ERN1: variants seen among roughly 807,000 people sequenced by gnomAD.
ERN1 encodes the protein serine/threonine-protein kinase/endoribonuclease IRE1.
ERN1 carries 39 observed loss-of-function variants against 113.1 expected under a neutral mutation model. The ratio of observed to expected loss-of-function variants is 0.34; its 90% CI spans 0.27 to 0.45. ERN1 has a LOEUF of 0.45. ERN1 is among the 20% of genes least tolerant of loss of function. The pLI is 1.00. For missense variants in ERN1, 976 were observed against 1,274.8 expected (o/e 0.77, Z 3.57); for synonymous variants, 507 against 515.9 (o/e 0.98, Z 0.23).
intron 8 of ERN1, 82 bp downstream of exon 8, chr17:64,066,589 C>T (rs1197981616): frequency 4.6e-6 from 7 of 1,527,030 alleles, no homozygotes; most frequent in Non-Finnish European, 5.3e-6. Context: ...CTTTGGCCTC[C>T]CGTGCAGGGC....
In ERN1 at chr17:64,054,193, G is replaced by C. The variant is rs1186366462; in HGVS notation, c.1953+57C>G. The C allele has an allele frequency of 6.8e-7, 1 of 1,462,532 alleles. No individual in the cohort carries two copies. Among genetic ancestry groups the C allele is most frequent in the Non-Finnish European group, 9.3e-7 (1 of 1,080,812 alleles). 90.6% of individuals were successfully genotyped at this position (1,462,532 alleles called of 1,614,324 possible). On this transcript the variant is annotated intron_variant, in intron 15 of 21. Transcript: ENST00000433197. The surrounding 1 kb of genome is among the most constrained non-coding windows in gnomAD (Gnocchi z 4.9). ...GAGCTCACGTGATCTGCTCACTTTG[G>C]CCTCCCAAAGTGCTATGACTTTAAT...
intron 6 of ERN1, among the ~76,000 whole-genome samples, chr17:64,069,723 G>T (rs1020543878): frequency 6.6e-6 from 1 of 152,178 alleles, no homozygotes; most frequent in Non-Finnish European, 1.5e-5. Context: ...GTTGGGTGGG[G>T]GATGGGAAGG....
chr17:64,105,411 T>TA (rs796944726), intron 1 of ERN1, among the ~76,000 whole-genome samples: 70 of 151,798 alleles, frequency 4.6e-4, no homozygotes, highest in African/African-American at 1.5e-3. Flanking sequence ...ATAATAATAA[T>TA]AAAAAAAAGA....
chr17:64,064,023 G>T lies in ERN1; in HGVS notation c.1050C>A (p.Asn350Lys). 1 of 1,613,980 alleles carries T rather than the reference G, an allele frequency of 6.2e-7. No individual in the cohort carries two copies. The highest frequency in any genetic ancestry group is 1.7e-5 in the Admixed American group (1 of 60,024). ...VKFDPGLKSK[N>K]KLNYLRNYWL... ...AGTAATTCCTCAAGTAGTTGAGCTT[G>T]TTCTTGCTTTTGAGTCCGGGATCAA... The change falls in exon 10 of 22, where the codon AAC becomes AAA. Residue 350 changes from asparagine to lysine, a missense_variant. Physicochemically the swap from Asn to Lys is moderately conservative, Grantham distance 94. Around this residue, in one of 5 missense-constraint regions of ERN1, gnomAD observed 459 missense variants for 581.2 expected, o/e 0.79. Coordinates refer to ENST00000433197, the MANE Select transcript of ERN1 (RefSeq NM_001433.5).
In ERN1 at chr17:64,110,542, T is replaced by G. The variant is rs925911127; in HGVS notation, c.55-12301A>C. ...TTCCTTTGATGAAGCCAACATTCTTTTAATGTCAGTGCCAAGGAAACGCGC... is the reference window on the plus strand; with the variant it reads ...TTCCTTTGATGAAGCCAACATTCTTGTAATGTCAGTGCCAAGGAAACGCGC... On this transcript the variant is annotated intron_variant, in intron 1 of 21. Transcript: ENST00000433197. Among the ~76,000 whole-genome samples the G allele has an allele frequency of 2.0e-5, 3 of 152,178 alleles. No homozygotes were observed. In the East Asian group the frequency reaches 5.8e-4, roughly 29 times the overall value.
intron 19 of ERN1, among the ~76,000 whole-genome samples, chr17:64,047,334 C>A (rs979066215): frequency 6.6e-6 from 1 of 152,068 alleles, no homozygotes; most frequent in Non-Finnish European, 1.5e-5. Flanking sequence ...TGTACTCCAG[C>A]CTGGGTAACG....
At chr17:64,087,388 T>G (rs1180002596) in intron 2 of ERN1, among the ~76,000 whole-genome samples, 5 of 152,214 alleles carry the variant, frequency 3.3e-5, no homozygotes, top group African/African-American at 4.8e-5. Flanking sequence ...GCAACTGCTA[T>G]GGGTGTCTCA....
At position 64,060,452 on chromosome 17, in the gene ERN1, G is replaced by T. The variant is rs766204766; in HGVS notation, c.1206+17C>A. The T allele has an allele frequency of 5.8e-6, 9 of 1,548,222 alleles. 1 individual carries two copies. The South Asian group carries it at 1.0e-4, about 17-fold the overall frequency. On this transcript the variant is annotated intron_variant, in intron 11 of 21. Coordinates refer to ENST00000433197, the MANE Select transcript of ERN1 (RefSeq NM_001433.5). ...ACCTAACACCAACAACCCCCGACTGGTCGCTTCCTCACTCACTTCCTCAAA... is the reference window on the plus strand; with the variant it reads ...ACCTAACACCAACAACCCCCGACTGTTCGCTTCCTCACTCACTTCCTCAAA...
rs1204684277 is a variant in ERN1 at position 64,039,275 on chromosome 17, T to TA, written c.*4712dup. 9 of 152,182 alleles carry TA rather than the reference T, an allele frequency of 5.9e-5. No homozygotes were observed. Among genetic ancestry groups the TA allele is most frequent in the African/African-American group, 2.2e-4 (9 of 41,460 alleles). 9.4% of individuals were successfully genotyped at this position (152,182 alleles called of 1,614,324 possible). On this transcript the variant is annotated 3_prime_UTR_variant, in exon 22 of 22. Transcript: ENST00000433197. ...TAATGACCCTCATGTCTTCAAGCTT[T>TA]AAAAATGCACATAAAAGTTGTACAA...
intron 16 of ERN1, 58 bp from the exon 17 acceptor site, chr17:64,053,037 C>CTCA (rs2143333171): frequency 7.0e-7 from 1 of 1,425,550 alleles, no homozygotes; most frequent in Non-Finnish European, 9.6e-7. Context: ...AGGCCTCCTC[C>CTCA]AATGGGGAAT....
At chr17:64,103,849 CT>C (rs1297676582) in intron 1 of ERN1, among the ~76,000 whole-genome samples, 22 of 152,120 alleles carry the variant, frequency 1.4e-4, no homozygotes, top group Admixed American at 3.9e-4. Context: ...ATGAAATGGC[CT>C]CTAACAAAAA....
chr17:64,079,354 A>G (rs1219335661), intron 4 of ERN1, among the ~76,000 whole-genome samples: 1 of 152,178 alleles, frequency 6.6e-6, no homozygotes, highest in East Asian at 1.9e-4. Context: ...CTCCCTCCTA[A>G]GGTGAGGGTC....
At chr17:64,067,615 A>AC (rs895193570) in intron 7 of ERN1, among the ~76,000 whole-genome samples, 33 of 151,478 alleles carry the variant, frequency 2.2e-4, no homozygotes, top group Middle Eastern at 3.4e-3. Context: ...TCAAAAAAAA[A>AC]AACAACAAAA....
intron 4 of ERN1, among the ~76,000 whole-genome samples, chr17:64,076,904 C>T (rs767162609): frequency 1.1e-4 from 17 of 152,182 alleles, no homozygotes; most frequent in Admixed American, 6.5e-4. Flanking sequence ...TCTTTAAGAA[C>T]CAACTCCAAC....
chr17:64,105,624 G>A (rs937312612), intron 1 of ERN1, among the ~76,000 whole-genome samples: 4 of 152,116 alleles, frequency 2.6e-5, no homozygotes, highest in African/African-American at 9.6e-5. Context: ...TGTGTTCATT[G>A]GATTACTGTT....
intron 1 of ERN1, among the ~76,000 whole-genome samples, chr17:64,120,759 A>G (rs992298564): frequency 5.9e-5 from 9 of 152,164 alleles, no homozygotes; most frequent in Non-Finnish European, 1.5e-5. Flanking sequence ...ACCCAAGCAA[A>G]TATCCTGAAA....
chr17:64,123,270 C>T (rs966569013), intron 1 of ERN1, among the ~76,000 whole-genome samples: 11 of 152,090 alleles, frequency 7.2e-5, no homozygotes, highest in Non-Finnish European at 1.0e-4. Flanking sequence ...AGAATTATCC[C>T]GAGGTATTTC....
intron 1 of ERN1, among the ~76,000 whole-genome samples, chr17:64,112,042 G>A (rs1224640596): frequency 6.6e-6 from 1 of 152,138 alleles, no homozygotes; most frequent in Non-Finnish European, 1.5e-5. Context: ...AATTAAGGAA[G>A]AGTTAAAATA....
intron 1 of ERN1, among the ~76,000 whole-genome samples, chr17:64,119,998 C>A (rs111242114): frequency 2.9e-3 from 438 of 152,142 alleles, no homozygotes; most frequent in Non-Finnish European, 4.9e-3. Context: ...TTCAAGTGAT[C>A]CTCTTGTCTT....
Sources: allele counts gnomAD v4.1 joint callset (sites outside exome capture counted in the v4.1 genomes callset), GRCh38; gene constraint gnomAD v4.1.1; regional missense constraint gnomAD v4.1.1; non-coding constraint Gnocchi (gnomAD v3.1); transcripts MANE v1.5; gene names NCBI Gene and HGNC (gene_info 2026-07-23, HGNC 2026-07-21).